MYOF: variants seen among roughly 807,000 people sequenced by gnomAD.
MYOF encodes the protein myoferlin.
A neutral mutation model predicts 284.2 loss-of-function variants in MYOF; 244 were observed. The ratio of observed to expected loss-of-function variants is 0.86; its 90% confidence interval spans 0.77 to 0.95. The LOEUF (loss-of-function observed/expected upper bound fraction) is 0.95. Among genes scored for constraint, MYOF ranks in the 40% least tolerant of loss-of-function variants. The pLI is 0.00. For synonymous variants in MYOF, 904 were observed against 919.7 expected (o/e 0.98, Z 0.31); for missense variants, 2,496 against 2,560.6 (o/e 0.97, Z 0.54).
chr10:93,439,923 T>C (rs2056192112), intron 3 of MYOF, among the ~76,000 whole-genome samples: 2 of 152,352 alleles, frequency 1.3e-5, no homozygotes, highest in African/African-American at 2.4e-5. Flanking sequence ...TGTAAAGTTC[T>C]TAAAACCAGT....
chr10:93,477,830 G>A (rs1308749655), intron 1 of MYOF, among the ~76,000 whole-genome samples: 1 of 152,220 alleles, frequency 6.6e-6, no homozygotes, highest in African/African-American at 2.4e-5. Context: ...CTGGGTGACA[G>A]AGCGAGACTC....
chr10:93,438,626 A>G (rs1352351289), intron 3 of MYOF, among the ~76,000 whole-genome samples: 1 of 151,990 alleles, frequency 6.6e-6, no homozygotes, highest in Non-Finnish European at 1.5e-5. Flanking sequence ...CCGAGAAACA[A>G]TGGTCTAGAC....
chr10:93,360,174 A>G (rs1845001186), intron 28 of MYOF, among the ~76,000 whole-genome samples, 196 bp from the exon 29 acceptor site: 1 of 152,184 alleles, frequency 6.6e-6, no homozygotes, highest in Admixed American at 6.5e-5. Flanking sequence ...AGCTCCTCAA[A>G]ATGCCTCCTT....
chr10:93,337,365 G>A (rs1234578399), intron 40 of MYOF, among the ~76,000 whole-genome samples: 4 of 152,006 alleles, frequency 2.6e-5, no homozygotes, highest in African/African-American at 9.7e-5. Flanking sequence ...CTGTATACAT[G>A]TTCTCACGGC....
At chr10:93,377,105 C>T (rs1469455470) in intron 22 of MYOF, among the ~76,000 whole-genome samples, 1 of 152,126 alleles carries the variant, frequency 6.6e-6, no homozygotes, top group Non-Finnish European at 1.5e-5. Flanking sequence ...GCCTCAGCCT[C>T]CCTAGGCTAC....
intron 17 of MYOF, 109 bp from the exon 18 acceptor site, chr10:93,389,263 G>T: frequency 7.7e-7 from 1 of 1,305,656 alleles, no homozygotes; most frequent in Non-Finnish European, 1.0e-6. Context: ...CATTTTGGGA[G>T]TTAGTTGTAT....
At chr10:93,422,897 A>C (rs1848416237) in intron 5 of MYOF, among the ~76,000 whole-genome samples, 1 of 152,194 alleles carries the variant, frequency 6.6e-6, no homozygotes. Flanking sequence ...TTTTTACTTG[A>C]ATGAACCACA....
chr10:93,321,447 G>T, intron 48 of MYOF, among the ~76,000 whole-genome samples: 1 of 136,744 alleles, frequency 7.3e-6, no homozygotes, highest in Non-Finnish European at 1.5e-5. Context: ...CAAGAGCCAG[G>T]TTCTCACTAT....
At chr10:93,386,256 C>T (rs1036604450) in intron 19 of MYOF, among the ~76,000 whole-genome samples, 1 of 152,184 alleles carries the variant, frequency 6.6e-6, no homozygotes, top group African/African-American at 2.4e-5. Flanking sequence ...AACTAGCATG[C>T]AAACTGTCCC....
chr10:93,373,176 G>T, intron 23 of MYOF, 91 bp from the exon 24 acceptor site: 1 of 1,459,412 alleles, frequency 6.9e-7, no homozygotes. Context: ...GACCCTCAGG[G>T]ATTCATTTAG....
At chr10:93,455,684 C>A (rs1198943689) in intron 2 of MYOF, among the ~76,000 whole-genome samples, 2 of 151,920 alleles carry the variant, frequency 1.3e-5, no homozygotes, top group African/African-American at 4.8e-5. Context: ...TAAAAAAAAA[C>A]CCAGAAGGTT....
chr10:93,400,861 T>G lies in MYOF; in HGVS notation c.1117+557A>C, dbSNP rs1398217092. ...TACCCTTTGCTCAGCATGTTTTTTT[T>G]TTTTTTTTTTTTTTTGAGATGGAGT... On this transcript the variant is annotated intron_variant, in intron 12 of 53. Coordinates refer to ENST00000359263, the MANE Select transcript of MYOF (RefSeq NM_013451.4). Among the ~76,000 whole-genome samples the G allele has an allele frequency of 1.2e-3, 169 of 146,252 alleles. 2 individuals are homozygous for G. The highest frequency in any genetic ancestry group is 2.9e-3 in the African/African-American group (115 of 39,028).
At chr10:93,326,556 C>CT (rs1843055083) in intron 45 of MYOF, among the ~76,000 whole-genome samples, 1 of 152,168 alleles carries the variant, frequency 6.6e-6, no homozygotes, top group Non-Finnish European at 1.5e-5. Flanking sequence ...GAGAAATAAA[C>CT]TTTTTTTGTG....
intron 17 of MYOF, 78 bp downstream of exon 17, chr10:93,392,839 A>T (rs1239098255): frequency 7.3e-7 from 1 of 1,373,954 alleles, no homozygotes; most frequent in Non-Finnish European, 1.0e-6. Flanking sequence ...AAAAAGTTCT[A>T]AAGACAGTCG....
intron 25 of MYOF, 115 bp downstream of exon 25, chr10:93,369,530 A>T: frequency 2.1e-6 from 3 of 1,425,392 alleles, no homozygotes; most frequent in Non-Finnish European, 2.8e-6. Context: ...ATTTTAGGGG[A>T]TGGTAAGGAG....
At position 93,482,241 on chromosome 10, in the gene MYOF, T is replaced by C. The variant is rs1346576318; in HGVS notation, c.-47A>G. The C allele has an allele frequency of 1.3e-6, 2 of 1,525,130 alleles. No individual in the cohort carries two copies. The highest frequency in any genetic ancestry group is 2.3e-5 in the South Asian group (2 of 87,662). 94.5% of individuals were successfully genotyped at this position (1,525,130 alleles called of 1,614,324 possible). On this transcript the variant is annotated 5_prime_UTR_variant, in exon 1 of 54. Coordinates refer to ENST00000359263, the MANE Select transcript of MYOF (RefSeq NM_013451.4). ...AAGTTTCAGCAAACGAAGTGGAGACTAGGGCGCTGGAGCTCCGGGTCGCAC... is the reference window on the plus strand; with the variant it reads ...AAGTTTCAGCAAACGAAGTGGAGACCAGGGCGCTGGAGCTCCGGGTCGCAC...
intron 40 of MYOF, among the ~76,000 whole-genome samples, chr10:93,336,442 A>T (rs1843611122): frequency 2.0e-5 from 3 of 152,244 alleles, no homozygotes; most frequent in Non-Finnish European, 4.4e-5. Context: ...ATGAGTCTCA[A>T]AACTACAACG....
chr10:93,329,379 G>A (rs1475068405), intron 44 of MYOF, among the ~76,000 whole-genome samples: 1 of 152,202 alleles, frequency 6.6e-6, no homozygotes. Context: ...TCCAGGAGGG[G>A]CTCAATGACG....
intron 3 of MYOF, among the ~76,000 whole-genome samples, chr10:93,450,044 G>A (rs917611236): frequency 1.3e-5 from 2 of 151,948 alleles, no homozygotes; most frequent in Admixed American, 1.3e-4. Context: ...GATCAGTTGA[G>A]GCCAAGAGTT....
Sources: gnomAD v4.1 joint callset for allele counts (sites outside exome capture counted in the v4.1 genomes callset) on GRCh38, gnomAD v4.1.1 for gene constraint, MANE v1.5 for transcripts, NCBI Gene and HGNC (gene_info 2026-07-23, HGNC 2026-07-21) for gene names.